HS6ST2: variants seen among roughly 807,000 people sequenced by gnomAD.
HS6ST2 encodes the protein heparan sulfate 6-O-sulfotransferase 2, also known as heparan-sulfate 6-O-sulfotransferase 2.
Under a neutral mutation model 33.0 loss-of-function variants are expected in HS6ST2, and 17 were observed. That is an observed-to-expected ratio of 0.52 (90% CI 0.35 to 0.77). The LOEUF (loss-of-function observed/expected upper bound fraction) is 0.77, where lower values mean the gene tolerates loss of function less well. HS6ST2 is among the 30% of genes least tolerant of loss of function. HS6ST2 has a pLI of 0.01. For synonymous variants in HS6ST2, 248 were observed against 237.1 expected, an observed-to-expected ratio of 1.05 and a Z score of -0.42; for missense variants, 519 against 551.7, an observed-to-expected ratio of 0.94 and a Z score of 0.59.
intron 2 of HS6ST2, among the ~76,000 whole-genome samples, chrX:132,787,625 C>A (rs1380757717): frequency 9.5e-6 from 1 of 105,687 alleles, no homozygotes; most frequent in Non-Finnish European, 2.0e-5. Flanking sequence ...CACAGAGGCT[C>A]ACGCCTGTAA....
At chrX:132,729,328 G>A (rs1184078572) in intron 2 of HS6ST2, among the ~76,000 whole-genome samples, 4 of 111,909 alleles carry the variant, frequency 3.6e-5, no homozygotes, top group African/African-American at 9.8e-5. Flanking sequence ...ATAAAGAGGG[G>A]ATACAGTGAA....
At chrX:132,721,767 T>C (rs1449662601) in intron 2 of HS6ST2, among the ~76,000 whole-genome samples, 1 of 112,245 alleles carries the variant, frequency 8.9e-6, no homozygotes, top group African/African-American at 3.2e-5. Flanking sequence ...TATATATTGC[T>C]GGTTCAATTT....
At chrX:132,891,368 A>G (rs1035341356) in intron 2 of HS6ST2, among the ~76,000 whole-genome samples, 2 of 94,446 alleles carry the variant, frequency 2.1e-5, no homozygotes, top group Non-Finnish European at 4.3e-5. Flanking sequence ...TGAAAGAACA[A>G]AAGTTTTTTT....
At chrX:132,869,056 G>C (rs1357625279) in intron 2 of HS6ST2, among the ~76,000 whole-genome samples, 2 of 110,100 alleles carry the variant, frequency 1.8e-5, no homozygotes, top group Non-Finnish European at 3.8e-5. Flanking sequence ...AAGAAGAAAA[G>C]AGAGAAGAAT....
At chrX:132,917,944 C>A (rs182731767) in intron 2 of HS6ST2, among the ~76,000 whole-genome samples, 128 of 112,357 alleles carry the variant, frequency 1.1e-3, no homozygotes, top group South Asian at 8.3e-3. Context: ...GTGCAACACA[C>A]TTTATCCATG....
At chrX:132,850,489 A>T in intron 2 of HS6ST2, among the ~76,000 whole-genome samples, 1 of 111,016 alleles carries the variant, frequency 9.0e-6, no homozygotes, top group Middle Eastern at 4.6e-3. Flanking sequence ...TGCAAATCTC[A>T]ATTTCTTCTT....
chrX:132,864,881 C>T (rs1045291736), intron 2 of HS6ST2, among the ~76,000 whole-genome samples: 55 of 111,603 alleles, frequency 4.9e-4, no homozygotes, highest in African/African-American at 1.5e-3. Context: ...TACCCATCAA[C>T]GGAAGCCCAT....
chrX:132,951,210 T>TC (rs1019772711), intron 2 of HS6ST2, among the ~76,000 whole-genome samples: 3 of 111,435 alleles, frequency 2.7e-5, no homozygotes, highest in African/African-American at 9.8e-5. Context: ...ACTTTCATGG[T>TC]GTTTTTGCAC....
chrX:132,772,609 TATAA>T (rs1409103176), intron 2 of HS6ST2, among the ~76,000 whole-genome samples: 2 of 101,592 alleles, frequency 2.0e-5, no homozygotes, highest in Admixed American at 1.1e-4. Context: ...TTGTACACAA[TATAA>T]ATAATTGTAT....
At chrX:132,860,244 G>A (rs758906271) in intron 2 of HS6ST2, among the ~76,000 whole-genome samples, 3 of 112,030 alleles carry the variant, frequency 2.7e-5, no homozygotes, top group African/African-American at 9.7e-5. Flanking sequence ...CATATTGTCA[G>A]TCTGTAGTTG....
At chrX:132,683,506 G>A (rs777366071) in intron 3 of HS6ST2, among the ~76,000 whole-genome samples, 21 of 111,984 alleles carry the variant, frequency 1.9e-4, no homozygotes, top group Non-Finnish European at 3.6e-4. Context: ...CCTAGCACCC[G>A]TAATTGCTAC....
chrX:132,952,613 T>C (rs1022252108), intron 2 of HS6ST2, among the ~76,000 whole-genome samples: 1 of 111,234 alleles, frequency 9.0e-6, no homozygotes, highest in Non-Finnish European at 1.9e-5. Flanking sequence ...AAAAGAAAGC[T>C]TTTCCCACAA....
At chrX:132,759,026 C>T (rs1239050770) in intron 2 of HS6ST2, among the ~76,000 whole-genome samples, 4 of 111,712 alleles carry the variant, frequency 3.6e-5, no homozygotes, top group African/African-American at 1.3e-4. Flanking sequence ...AAATAGACAA[C>T]CAGGAGCTTC....
intron 4 of HS6ST2, 111 bp from the exon 5 acceptor site, chrX:132,629,204 A>T (rs1384834150): frequency 1.2e-6 from 1 of 826,434 alleles, no homozygotes; most frequent in African/African-American, 2.1e-5. Flanking sequence ...GGCAAAGCAA[A>T]AATGACAGGG....
chrX:132,678,597 T>C (rs187288996), intron 3 of HS6ST2, among the ~76,000 whole-genome samples: 47 of 112,771 alleles, frequency 4.2e-4, no homozygotes, highest in African/African-American at 1.4e-3. Flanking sequence ...TCAGGCATCA[T>C]ACCTTTGTTT....
At chrX:132,659,968 T>C (rs761500348) in intron 4 of HS6ST2, among the ~76,000 whole-genome samples, 1 of 112,132 alleles carries the variant, frequency 8.9e-6, no homozygotes, top group African/African-American at 3.2e-5. Flanking sequence ...ACTGACTTAA[T>C]ATAAATCAAA....
chrX:132,881,281 AG>A (rs1434349778), intron 2 of HS6ST2, among the ~76,000 whole-genome samples: 1 of 110,107 alleles, frequency 9.1e-6, no homozygotes, highest in African/African-American at 3.3e-5. Flanking sequence ...CATCCTCTCC[AG>A]CACCTGTTGT....
At chrX:132,637,878 A>T (rs1385553423) in intron 4 of HS6ST2, among the ~76,000 whole-genome samples, 1 of 43,071 alleles carries the variant, frequency 2.3e-5, no homozygotes, top group African/African-American at 2.7e-4. Flanking sequence ...TATATATAAT[A>T]TATATATAAT....
intron 2 of HS6ST2, among the ~76,000 whole-genome samples, chrX:132,935,601 T>A (rs2066815410): frequency 9.0e-6 from 1 of 111,717 alleles, no homozygotes; most frequent in Admixed American, 9.6e-5. Context: ...TCAATATATT[T>A]AAAATAGTTG....
Sources: allele counts gnomAD v4.1 joint callset (sites outside exome capture counted in the v4.1 genomes callset), GRCh38; gene constraint gnomAD v4.1.1; transcripts MANE v1.5; gene names NCBI Gene and HGNC (gene_info 2026-07-23, HGNC 2026-07-21).